Variants in GJA1 observed in about 807,000 individuals in gnomAD.
GJA1 encodes the protein gap junction protein alpha 1, also known as gap junction alpha-1 protein.
A neutral mutation model predicts 31.0 loss-of-function variants in GJA1; 9 were observed. The observed-to-expected ratio is 0.29, with a 90% confidence interval of 0.17 to 0.51. The LOEUF is 0.51. Among genes scored for constraint, GJA1 ranks in the 20% least tolerant of loss-of-function variants. GJA1 has a pLI of 0.98. For synonymous variants in GJA1, 186 were observed against 180.1 expected, an observed-to-expected ratio of 1.03 and a Z score of -0.26; for missense variants, 278 against 468.8, an observed-to-expected ratio of 0.59 and a Z score of 3.76.
chr6:121,446,794 A>G (rs1019756446), intron 1 of GJA1, 38 bp from the exon 2 acceptor site: 2 of 1,257,180 alleles, frequency 1.6e-6, no homozygotes, highest in Admixed American at 3.4e-5. Flanking sequence ...AGTAATTTGC[A>G]ATCTGTGATC....
Position 121,448,040 on chromosome 6 carries a change from G to C in GJA1, c.*44G>C. On this transcript the variant is annotated 3_prime_UTR_variant, in exon 2 of 2. Transcript: ENST00000282561. ...CAAGATTCCACTCAATTGTGGAGAA[G>C]AAAAAAGGTGCTGTAGAAAGTGCAC... The C allele has an allele frequency of 6.5e-7, 1 of 1,538,706 alleles. No individual in the cohort carries two copies.
At chr6:121,437,748 GGA>G (rs1308872987) in intron 1 of GJA1, among the ~76,000 whole-genome samples, 1 of 151,946 alleles carries the variant, frequency 6.6e-6, no homozygotes, top group Non-Finnish European at 1.5e-5. Context: ...GGTGGGAAGG[GGA>G]GAGCTACACA....
At chr6:121,443,326 A>G (rs966486652) in intron 1 of GJA1, among the ~76,000 whole-genome samples, 1 of 152,198 alleles carries the variant, frequency 6.6e-6, no homozygotes, top group South Asian at 2.1e-4. Flanking sequence ...GATGGTATCT[A>G]TGATAGTGGA....
intron 1 of GJA1, among the ~76,000 whole-genome samples, chr6:121,442,248 C>T (rs189657564): frequency 2.6e-5 from 4 of 152,150 alleles, no homozygotes; most frequent in Non-Finnish European, 4.4e-5. Flanking sequence ...TATTTAAAGT[C>T]GATAGTAAAA....
chr6:121,439,003 T>C (rs957664516), intron 1 of GJA1, among the ~76,000 whole-genome samples: 7 of 152,066 alleles, frequency 4.6e-5, no homozygotes, highest in African/African-American at 1.7e-4. Flanking sequence ...AAGAAAAATA[T>C]ATGTTTATCG....
chr6:121,441,162 C>A (rs879369362), intron 1 of GJA1, among the ~76,000 whole-genome samples: 33 of 152,092 alleles, frequency 2.2e-4, no homozygotes, highest in Non-Finnish European at 4.4e-4. Flanking sequence ...CTGTGTTAGC[C>A]AGGATGGTCT....
chr6:121,445,847 A>G (rs1773880079), intron 1 of GJA1, among the ~76,000 whole-genome samples: 2 of 152,200 alleles, frequency 1.3e-5, no homozygotes, highest in African/African-American at 4.8e-5. Flanking sequence ...TAAGAAAAAA[A>G]TAGTCACCAT....
chr6:121,443,073 T>C (rs1773823021), intron 1 of GJA1, among the ~76,000 whole-genome samples: 1 of 152,216 alleles, frequency 6.6e-6, no homozygotes, highest in Non-Finnish European at 1.5e-5. Flanking sequence ...GTGCAGTTTA[T>C]AGTCTGTAGA....
chr6:121,436,602 G>A (rs1399188382), intron 1 of GJA1, among the ~76,000 whole-genome samples: 2 of 152,184 alleles, frequency 1.3e-5, no homozygotes, highest in African/African-American at 4.8e-5. Context: ...TTGAATGGGT[G>A]GTGGCTAGTT....
intron 1 of GJA1, among the ~76,000 whole-genome samples, chr6:121,442,730 T>C (rs1442245722): frequency 5.9e-5 from 9 of 152,318 alleles, no homozygotes; most frequent in Middle Eastern, 3.4e-3. Context: ...CAAGTGACTG[T>C]GATGCAGTTC....
rs1773926211 is a variant in GJA1, at chr6:121,448,394, C to T, written c.*398C>T. ...TACCAAGAAACTGAAATAATTCTGG[C>T]CAGGAATAAATACTTCCTGAACATC... On this transcript the variant is annotated 3_prime_UTR_variant, in exon 2 of 2. Transcript: ENST00000282561. 1 of 262,312 alleles carries T rather than the reference C, an allele frequency of 3.8e-6. No individual in the cohort carries two copies. The highest frequency in any genetic ancestry group is 8.0e-6 in the Non-Finnish European group (1 of 125,430). 16.2% of individuals were successfully genotyped at this position (262,312 alleles called of 1,614,324 possible).
chr6:121,436,419 T>G (rs985788596), intron 1 of GJA1, among the ~76,000 whole-genome samples: 1 of 152,210 alleles, frequency 6.6e-6, no homozygotes, highest in Non-Finnish European at 1.5e-5. Context: ...GGTTCCTTCC[T>G]AGAATTTTCC....
rs1773901652 is a variant in GJA1, at chr6:121,447,116, T to C, written c.269T>C (p.Leu90Pro). Residue 90 changes from leucine (L) to proline (P), a missense_variant, in exon 2 of 2, where the codon CTC becomes CCC. By Grantham distance (98) the Leu-to-Pro change is moderately conservative. Coordinates refer to ENST00000282561, the MANE Select transcript of GJA1 (RefSeq NM_000165.5). ...ATCATATTTGTGTCTGTACCCACACTCTTGTACCTGGCTCATGTGTTCTAT... is the reference window on the plus strand; with the variant it reads ...ATCATATTTGTGTCTGTACCCACACCCTTGTACCTGGCTCATGTGTTCTAT... ...LQIIFVSVPT[L>P]LYLAHVFYVM... The C allele has an allele frequency of 6.2e-7, 1 of 1,613,906 alleles. No homozygotes were observed. Among genetic ancestry groups the C allele is most frequent in the Non-Finnish European group, 8.5e-7 (1 of 1,179,918 alleles).
chr6:121,447,746 A>G lies in GJA1; in HGVS notation c.899A>G (p.Asn300Ser), dbSNP rs745845216. ...GACAGAAACAATTCTTCTTGCCGCA[A>G]TTACAACAAGCAAGCAAGTGAGCAA... The part of the protein sequence containing the change: ...TGDRNNSSCR[N>S]YNKQASEQNW... Residue 300 changes from asparagine to serine, a missense_variant, in exon 2 of 2, where the codon AAT becomes AGT. By Grantham distance (46) the Asn-to-Ser change is conservative. Transcript: ENST00000282561. 5 of 1,614,142 alleles carry G rather than the reference A, an allele frequency of 3.1e-6. No individual in the cohort carries two copies. The highest frequency in any genetic ancestry group is 2.2e-5 in the South Asian group (2 of 91,080).
At chr6:121,438,650 T>G (rs1411758635) in intron 1 of GJA1, among the ~76,000 whole-genome samples, 1 of 152,230 alleles carries the variant, frequency 6.6e-6, no homozygotes, top group Non-Finnish European at 1.5e-5. Context: ...TCTCAGTTAT[T>G]TGAAGAGATG....
intron 1 of GJA1, among the ~76,000 whole-genome samples, chr6:121,439,113 C>T (rs1773720088): frequency 6.6e-6 from 1 of 151,918 alleles, no homozygotes; most frequent in Non-Finnish European, 1.5e-5. Context: ...GCCTGAGCAA[C>T]ATAGCAAGAC....
rs775522742 is a variant in GJA1 at position 121,447,957 on chromosome 6, T to C, written c.1110T>C (p.Arg370=). 1 of 1,613,860 alleles carries C rather than the reference T, an allele frequency of 6.2e-7. No homozygotes were observed. The highest frequency in any genetic ancestry group is 8.5e-7 in the Non-Finnish European group (1 of 1,179,872). ...GACCTTCAAGCAGAGCCAGCAGTCG[T>C]GCCAGCAGCAGACCTCGGCCTGATG... is the stretch of plus-strand genomic sequence containing the variant. The part of the protein sequence containing the change: ...DQRPSSRASS[R]ASSRPRPDDL... Residue 370 remains arginine (R), a synonymous_variant, in exon 2 of 2, where the codon CGT becomes CGC. Transcript: ENST00000282561.
chr6:121,448,084 C>T lies in GJA1; in HGVS notation c.*88C>T, dbSNP rs868021594. 28 of 1,188,650 alleles carry T rather than the reference C, an allele frequency of 2.4e-5. No homozygotes were observed. Among genetic ancestry groups the T allele is most frequent in the East Asian group, 1.4e-4 (6 of 42,842 alleles). 73.6% of individuals were successfully genotyped at this position (1,188,650 alleles called of 1,614,324 possible). ...AGTGCACCAGGTGTTAATTTTGATC[C>T]GGTGGAGGTGGTACTCAACAGCCTT... is the stretch of plus-strand genomic sequence containing the variant. On this transcript the variant is annotated 3_prime_UTR_variant, in exon 2 of 2. Coordinates refer to ENST00000282561, the MANE Select transcript of GJA1 (RefSeq NM_000165.5).
At chr6:121,440,623 CA>C (rs1432813034) in intron 1 of GJA1, among the ~76,000 whole-genome samples, 1 of 148,434 alleles carries the variant, frequency 6.7e-6, no homozygotes, top group Non-Finnish European at 1.5e-5. Flanking sequence ...AAGAGAATCC[CA>C]AAGAGACAGA....
Sources: gnomAD v4.1 joint callset for allele counts (sites outside exome capture counted in the v4.1 genomes callset) on GRCh38, gnomAD v4.1.1 for gene constraint, MANE v1.5 for transcripts, NCBI Gene and HGNC (gene_info 2026-07-23, HGNC 2026-07-21) for gene names.